KCNQ1: variants seen among roughly 807,000 people sequenced by gnomAD.
The protein encoded by KCNQ1 is potassium voltage-gated channel subfamily Q member 1.
In KCNQ1, 49 loss-of-function variants were observed where a neutral mutation model predicts 72.4. The ratio of observed to expected loss-of-function variants is 0.68; its 90% CI spans 0.54 to 0.86. The LOEUF (loss-of-function observed/expected upper bound fraction) is 0.86. Ranked by LOEUF, KCNQ1 falls within the 40% of genes least tolerant of loss-of-function variation. The pLI is 0.00. For synonymous variants in KCNQ1, 450 were observed against 412.6 expected (o/e 1.09, Z -1.10); for missense variants, 790 against 945.1 (o/e 0.84, Z 2.15).
chr11:2,733,008 G>A (rs965999469), intron 11 of KCNQ1, among the ~76,000 whole-genome samples: 2 of 152,168 alleles, frequency 1.3e-5, no homozygotes, highest in African/African-American at 4.8e-5. Flanking sequence ...CCTGGGAAGA[G>A]GGGGTCTGGG....
intron 1 of KCNQ1, 110 bp downstream of exon 1, chr11:2,445,594 G>C: frequency 7.8e-7 from 1 of 1,274,738 alleles, no homozygotes; most frequent in Non-Finnish European, 1.1e-6. Context: ...CCCCGGAGCA[G>C]AGGAGGGAAG....
intron 11 of KCNQ1, among the ~76,000 whole-genome samples, chr11:2,763,004 G>T (rs1846432546): frequency 6.6e-6 from 1 of 152,144 alleles, no homozygotes; most frequent in African/African-American, 2.4e-5. Flanking sequence ...GATCGTCTTG[G>T]CTATTCTTGG....
intron 15 of KCNQ1, among the ~76,000 whole-genome samples, chr11:2,844,306 G>A (rs1049966110): frequency 5.3e-5 from 8 of 152,160 alleles, no homozygotes; most frequent in Admixed American, 3.3e-4. Flanking sequence ...CTGTGGACCC[G>A]CCCTGGGCAT....
Position 2,673,806 on chromosome 11 carries a change from T to G in KCNQ1, c.1514+11725T>G, listed in dbSNP as rs918370329. 3 of 398,582 alleles carry G rather than the reference T, an allele frequency of 7.5e-6. No individual in the cohort carries two copies. Among genetic ancestry groups the G allele is most frequent in the East Asian group, 7.1e-5 (2 of 28,096 alleles). The allele number at this position is 398,582 out of a possible 1,614,324, so 24.7% of individuals were successfully genotyped here. A position where few individuals can be genotyped will look rare whatever the true frequency, so the allele number is the denominator to read the frequency against. ...CTGGTGCAAAGGGCAGTGATGGCCC[T>G]TCAATCCCAGGCCCACAAGCACCAC... On this transcript the variant is annotated intron_variant, in intron 11 of 15. Coordinates refer to ENST00000155840, the MANE Select transcript of KCNQ1 (RefSeq NM_000218.3). This position sits in a 1 kb window ranked among gnomAD's most constrained non-coding sequence, Gnocchi z 4.5.
rs958160862 is a variant in KCNQ1 at position 2,603,333 on chromosome 11, T to C, written c.1393+14479T>C. ...CCAGAATGAAGTGAGCACATGTTGT[T>C]GGAAAAATGGCACTGATAGACTTGC... On this transcript the variant is annotated intron_variant, in intron 10 of 15. Coordinates refer to ENST00000155840, the MANE Select transcript of KCNQ1 (RefSeq NM_000218.3). This position sits in a 1 kb window ranked among gnomAD's most constrained non-coding sequence, Gnocchi z 4.1. Among the ~76,000 whole-genome samples the C allele has an allele frequency of 1.3e-5, 2 of 152,142 alleles. No individual in the cohort carries two copies. The highest frequency in any genetic ancestry group is 3.9e-4 in the East Asian group (2 of 5,194).
intron 10 of KCNQ1, chr11:2,649,007 CT>C: frequency 3.7e-6 from 1 of 270,812 alleles, no homozygotes; most frequent in Admixed American, 8.4e-5. Context: ...TTTTTTTTGA[CT>C]CAGTATTTTT....
intron 1 of KCNQ1, among the ~76,000 whole-genome samples, chr11:2,523,452 G>A (rs916711105): frequency 2.0e-5 from 3 of 152,124 alleles, no homozygotes; most frequent in African/African-American, 4.8e-5. Flanking sequence ...CTCCCGCCTC[G>A]GCCTCCCAAA....
At chr11:2,589,744 ACAG>A (rs1015367704) in intron 10 of KCNQ1, among the ~76,000 whole-genome samples, 3 of 152,198 alleles carry the variant, frequency 2.0e-5, no homozygotes, top group Admixed American at 2.0e-4. Flanking sequence ...GAGCACAGAC[ACAG>A]CAGGTGACCT....
Position 2,668,723 on chromosome 11 carries a change from G to C in KCNQ1, c.1514+6642G>C, listed in dbSNP as rs1850128346. On this transcript the variant is annotated intron_variant, in intron 11 of 15. Transcript: ENST00000155840. The surrounding 1 kb of genome is among the most constrained non-coding windows in gnomAD (Gnocchi z 4.3). ...ACACTCTCTCACAGACACACACATTGCAAATATCGCCTCCCCCTCTGCAGG... is the reference window on the plus strand; with the variant it reads ...ACACTCTCTCACAGACACACACATTCCAAATATCGCCTCCCCCTCTGCAGG... 1 of 398,436 alleles carries C rather than the reference G, an allele frequency of 2.5e-6. No individual in the cohort carries two copies. Among genetic ancestry groups the C allele is most frequent in the Non-Finnish European group, 4.4e-6 (1 of 226,078 alleles). 24.7% of individuals were successfully genotyped at this position (398,436 alleles called of 1,614,324 possible). A position where few individuals can be genotyped will look rare whatever the true frequency, so the allele number is the denominator to read the frequency against.
At chr11:2,811,029 GC>G (rs2134039650) in intron 15 of KCNQ1, among the ~76,000 whole-genome samples, 1 of 152,318 alleles carries the variant, frequency 6.6e-6, no homozygotes, top group African/African-American at 2.4e-5. Context: ...GCAGCAGATG[GC>G]TTAGACTCAC....
intron 14 of KCNQ1, 167 bp from the exon 15 acceptor site, chr11:2,777,809 C>A: frequency 1.5e-6 from 1 of 662,372 alleles, no homozygotes; most frequent in Non-Finnish European, 2.7e-6. Context: ...ACCGTACCAC[C>A]CCTGGTATTT....
intron 11 of KCNQ1, among the ~76,000 whole-genome samples, chr11:2,737,432 C>G (rs761339835): frequency 6.6e-6 from 1 of 152,162 alleles, no homozygotes; most frequent in Non-Finnish European, 1.5e-5. Context: ...GCTGGATGCC[C>G]GCGAGCTGCA....
intron 6 of KCNQ1, among the ~76,000 whole-genome samples, chr11:2,577,203 C>T (rs889225018): frequency 5.9e-5 from 9 of 152,196 alleles, no homozygotes; most frequent in Admixed American, 6.5e-5. Flanking sequence ...GTGCCAGGCA[C>T]CGGCAGGGGT....
intron 15 of KCNQ1, among the ~76,000 whole-genome samples, chr11:2,811,660 A>T (rs1458406791): frequency 6.6e-6 from 1 of 152,152 alleles, no homozygotes; most frequent in African/African-American, 2.4e-5. Context: ...CAGGATGGGG[A>T]TGTCCCAGTG....
chr11:2,726,233 C>A (rs1249113492), intron 11 of KCNQ1, among the ~76,000 whole-genome samples: 2 of 152,238 alleles, frequency 1.3e-5, no homozygotes, highest in African/African-American at 4.8e-5. Context: ...GCTGAGCTCG[C>A]TCACGAGATG....
chr11:2,666,668 G>A (rs1400598625), intron 11 of KCNQ1: 6 of 398,562 alleles, frequency 1.5e-5, no homozygotes, highest in Non-Finnish European at 4.4e-6. Flanking sequence ...CTCTTTTGAT[G>A]GGACCAGCTT....
chr11:2,672,196 T>A, intron 11 of KCNQ1: 1 of 398,654 alleles, frequency 2.5e-6, no homozygotes, highest in Non-Finnish European at 4.4e-6. Context: ...ATGTCCTGAT[T>A]TGTTAAGTTA....
rs1473571413 is a variant in KCNQ1, at chr11:2,805,065, C to T, written c.1794+27028C>T. ...AAAACCAGGAAGAGTGTCTGGCCAT[C>T]CCGGGCCTGAGTTTCTGCCCATGGG... On this transcript the variant is annotated intron_variant, in intron 15 of 15. Transcript: ENST00000155840. 2.6e-5 allele frequency among the ~76,000 whole-genome samples: 4 copies of T among 152,012 alleles called. No homozygotes were observed. The East Asian group carries it at 7.7e-4, about 29-fold the overall frequency.
chr11:2,634,030 T>A (rs921156519), intron 10 of KCNQ1: 2 of 398,536 alleles, frequency 5.0e-6, no homozygotes, highest in African/African-American at 4.1e-5. Flanking sequence ...TGCCTCCAGC[T>A]TCATTCTGCC....
Sources: allele counts gnomAD v4.1 joint callset (sites outside exome capture counted in the v4.1 genomes callset), GRCh38; gene constraint gnomAD v4.1.1; non-coding constraint Gnocchi (gnomAD v3.1); transcripts MANE v1.5; gene names NCBI Gene and HGNC (gene_info 2026-07-23, HGNC 2026-07-21).